GRIK2: variants seen among roughly 807,000 people sequenced by gnomAD.
GRIK2 encodes glutamate receptor ionotropic, kainate 2.
Under a neutral mutation model 100.3 loss-of-function variants are expected in GRIK2, and 32 were observed. The observed-to-expected ratio is 0.32, with a 90% CI of 0.24 to 0.43. The LOEUF (loss-of-function observed/expected upper bound fraction) is 0.43. GRIK2 is among the 20% of genes least tolerant of loss of function. The pLI, the probability that GRIK2 is intolerant of heterozygous loss-of-function variation, is 1.00. For synonymous variants in GRIK2, 417 were observed against 389.4 expected, an observed-to-expected ratio of 1.07 and a Z score of -0.83; for missense variants, 843 against 1,114.9, an observed-to-expected ratio of 0.76 and a Z score of 3.47.
At chr6:101,478,506 GTTTTTTTT>G (rs5878666) in intron 2 of GRIK2, among the ~76,000 whole-genome samples, 1 of 119,580 alleles carries the variant, frequency 8.4e-6, no homozygotes, top group Non-Finnish European at 1.7e-5. Flanking sequence ...TTCTGTTTTG[GTTTTTTTT>G]TTTTTTTTTT....
At chr6:101,807,108 T>G (rs949135425) in intron 9 of GRIK2, among the ~76,000 whole-genome samples, 1 of 152,000 alleles carries the variant, frequency 6.6e-6, no homozygotes, top group East Asian at 1.9e-4. Context: ...CTCAAGTGTC[T>G]GATGCAGAGT....
At chr6:101,586,893 A>C (rs963727630) in intron 2 of GRIK2, among the ~76,000 whole-genome samples, 2 of 95,952 alleles carry the variant, frequency 2.1e-5, no homozygotes, top group Non-Finnish European at 3.9e-5. Context: ...CTGTCTTAAC[A>C]AAAAAAAAAA....
intron 4 of GRIK2, among the ~76,000 whole-genome samples, chr6:101,649,062 A>G (rs1781663708): frequency 6.6e-6 from 1 of 152,094 alleles, no homozygotes; most frequent in African/African-American, 2.4e-5. Context: ...CGTGGAGATT[A>G]TTACAATTCA....
intron 2 of GRIK2, among the ~76,000 whole-genome samples, chr6:101,484,767 ACTAGATTTTTTTCAATGATTC>A (rs1335615173): frequency 6.6e-6 from 1 of 152,094 alleles, no homozygotes; most frequent in African/African-American, 2.4e-5. Context: ...TAGAAAGCCT[ACTAGATTTTTTTCAATGATTC>A]CTGTTTTATT....
At chr6:101,940,190 G>C (rs369854439) in intron 14 of GRIK2, among the ~76,000 whole-genome samples, 1 of 152,116 alleles carries the variant, frequency 6.6e-6, no homozygotes, top group South Asian at 2.1e-4. Flanking sequence ...TTTGAAGCTG[G>C]CTGAGAACTA....
At chr6:102,028,249 G>A (rs1028624247) in intron 14 of GRIK2, among the ~76,000 whole-genome samples, 3 of 151,004 alleles carry the variant, frequency 2.0e-5, no homozygotes, top group Non-Finnish European at 4.5e-5. Context: ...TTAAAAGGGG[G>A]TGTATTTCTT....
intron 7 of GRIK2, among the ~76,000 whole-genome samples, chr6:101,759,878 TTTTTA>T (rs1777386957): frequency 7.8e-6 from 1 of 128,756 alleles, no homozygotes; most frequent in African/African-American, 3.6e-5. Flanking sequence ...TTTATTTTTA[TTTTTA>T]TTTTTTTTTG....
intron 2 of GRIK2, among the ~76,000 whole-genome samples, chr6:101,488,219 A>C (rs1206718298): frequency 2.7e-5 from 4 of 146,500 alleles, no homozygotes; most frequent in Admixed American, 1.4e-4. Context: ...ACTGTTATTA[A>C]AGAATATAAA....
chr6:101,504,983 A>C (rs1273602933), intron 2 of GRIK2, among the ~76,000 whole-genome samples: 2 of 151,768 alleles, frequency 1.3e-5, no homozygotes, highest in African/African-American at 4.8e-5. Context: ...TAGACTAAGC[A>C]TCATTTTATA....
chr6:101,790,159 C>A lies in GRIK2; in HGVS notation c.952-9489C>A, dbSNP rs1045557357. 1.5e-4 allele frequency among the ~76,000 whole-genome samples: 23 copies of A among 152,242 alleles called. 1 individual carries two copies. In the East Asian group the frequency reaches 3.1e-3, roughly 20 times the overall value. ...CAATCATGTCATCTGCAAACAAGGA[C>A]AATTTGACTTCCTCTTTTCCTAATT... On this transcript the variant is annotated intron_variant, in intron 7 of 16. Coordinates refer to ENST00000369134, the MANE Select transcript of GRIK2 (RefSeq NM_021956.5).
At chr6:101,896,586 C>T (rs1380930345) in intron 12 of GRIK2, among the ~76,000 whole-genome samples, 1 of 151,594 alleles carries the variant, frequency 6.6e-6, no homozygotes, top group Non-Finnish European at 1.5e-5. Context: ...AGTATAAACG[C>T]AAGAGCAGAA....
At chr6:101,975,780 T>G (rs1582651056) in intron 14 of GRIK2, among the ~76,000 whole-genome samples, 3 of 146,648 alleles carry the variant, frequency 2.0e-5, no homozygotes, top group South Asian at 2.1e-4. Context: ...TGTGTCTATC[T>G]GTCTGTCTGT....
chr6:101,846,007 G>GTT (rs141274825), intron 10 of GRIK2, among the ~76,000 whole-genome samples: 11 of 146,194 alleles, frequency 7.5e-5, no homozygotes, highest in South Asian at 2.2e-4. Context: ...AAACAGCATT[G>GTT]TTTTTTTTTT....
chr6:101,591,420 G>A (rs1266501921), intron 2 of GRIK2, among the ~76,000 whole-genome samples: 2 of 151,728 alleles, frequency 1.3e-5, no homozygotes, highest in Admixed American at 6.6e-5. Context: ...TATCTCAAGA[G>A]CCATCTCTAA....
intron 7 of GRIK2, among the ~76,000 whole-genome samples, chr6:101,734,749 T>C (rs1054770151): frequency 2.6e-5 from 4 of 152,142 alleles, no homozygotes; most frequent in African/African-American, 9.7e-5. Context: ...AACCCATTGG[T>C]GATTTTTAAG....
intron 16 of GRIK2, among the ~76,000 whole-genome samples, chr6:102,059,980 TAAGTA>T (rs1771665751): frequency 6.7e-6 from 1 of 150,210 alleles, no homozygotes; most frequent in African/African-American, 2.4e-5. Flanking sequence ...AAGTGTAAAT[TAAGTA>T]AATATGTCTA....
At chr6:101,467,186 G>T (rs997700649) in intron 2 of GRIK2, among the ~76,000 whole-genome samples, 10 of 152,084 alleles carry the variant, frequency 6.6e-5, no homozygotes, top group Non-Finnish European at 1.0e-4. Context: ...TGTTGAAATT[G>T]AATAATTTCT....
intron 14 of GRIK2, among the ~76,000 whole-genome samples, chr6:101,968,379 A>T (rs1792829363): frequency 6.6e-6 from 1 of 152,022 alleles, no homozygotes; most frequent in African/African-American, 2.4e-5. Flanking sequence ...TCTTTACTGA[A>T]TAAAACAAAT....
At chr6:101,703,698 G>C (rs1404281509) in intron 7 of GRIK2, among the ~76,000 whole-genome samples, 1 of 151,636 alleles carries the variant, frequency 6.6e-6, no homozygotes, top group Non-Finnish European at 1.5e-5. Context: ...GTTTATATAG[G>C]TATAAATATT....
Sources: gnomAD v4.1 joint callset for allele counts (sites outside exome capture counted in the v4.1 genomes callset) on GRCh38, gnomAD v4.1.1 for gene constraint, MANE v1.5 for transcripts, NCBI Gene and HGNC (gene_info 2026-07-23, HGNC 2026-07-21) for gene names.